KMT2C: variants seen among roughly 807,000 people sequenced by gnomAD.
The protein encoded by KMT2C is histone-lysine N-methyltransferase 2C.
KMT2C carries 88 observed loss-of-function variants against 507.9 expected under a neutral mutation model. That is an observed-to-expected ratio of 0.17 (90% CI 0.15 to 0.21). The LOEUF is 0.21. Among genes scored for constraint, KMT2C ranks in the 10% least tolerant of loss-of-function variants. The probability of loss-of-function intolerance (pLI) is 1.00; values close to 1 mark genes in which losing one functional copy is unlikely to be tolerated. For missense variants in KMT2C, 4,954 were observed against 5,957.8 expected, an observed-to-expected ratio of 0.83 and a Z score of 5.55; for synonymous variants, 2,049 against 2,080.8, an observed-to-expected ratio of 0.98 and a Z score of 0.42.
At chr7:152,424,787 G>A (rs1191840039) in intron 1 of KMT2C, among the ~76,000 whole-genome samples, 1 of 152,118 alleles carries the variant, frequency 6.6e-6, no homozygotes, top group Non-Finnish European at 1.5e-5. Flanking sequence ...ACTAAGGGCT[G>A]AAGGCAGCTA....
At chr7:152,375,584 C>T (rs933829114) in intron 1 of KMT2C, among the ~76,000 whole-genome samples, 7 of 151,818 alleles carry the variant, frequency 4.6e-5, no homozygotes, top group Admixed American at 2.0e-4. Context: ...CAGGGTTTCA[C>T]CATGCTGGCC....
chr7:152,359,983 A>T (rs2097182520), intron 1 of KMT2C, among the ~76,000 whole-genome samples: 1 of 133,968 alleles, frequency 7.5e-6, no homozygotes, highest in African/African-American at 2.8e-5. Flanking sequence ...TGACAGATGG[A>T]GGTTGCAGTG....
intron 1 of KMT2C, among the ~76,000 whole-genome samples, chr7:152,365,249 G>C (rs1438008801): frequency 6.6e-6 from 1 of 152,190 alleles, no homozygotes; most frequent in Non-Finnish European, 1.5e-5. Flanking sequence ...AGTGGCTCAC[G>C]CCTATAATCC....
intron 18 of KMT2C, among the ~76,000 whole-genome samples, chr7:152,229,049 A>C (rs1244810430): frequency 6.6e-6 from 1 of 152,228 alleles, no homozygotes; most frequent in African/African-American, 2.4e-5. Flanking sequence ...TGCTTACTAT[A>C]CTGACATTTT....
chr7:152,201,295 C>CAG (rs967637971), intron 26 of KMT2C, among the ~76,000 whole-genome samples: 11 of 89,946 alleles, frequency 1.2e-4, no homozygotes, highest in African/African-American at 7.6e-4. Flanking sequence ...CAGACACAGA[C>CAG]ACACACACAC....
intron 3 of KMT2C, among the ~76,000 whole-genome samples, chr7:152,326,750 A>G (rs1200308953): frequency 6.6e-6 from 1 of 152,068 alleles, no homozygotes; most frequent in East Asian, 1.9e-4. Context: ...GTGTGGTGGC[A>G]GGCGCCTGTG....
At chr7:152,261,005 A>G (rs1455233687) in intron 9 of KMT2C, among the ~76,000 whole-genome samples, 1 of 152,164 alleles carries the variant, frequency 6.6e-6, no homozygotes, top group Non-Finnish European at 1.5e-5. Flanking sequence ...AGAAGAGAAA[A>G]GTAGAAAGGA....
chr7:152,259,511 G>C lies in KMT2C; in HGVS notation c.1299+3505C>G, dbSNP rs919980902. 2.7e-5 allele frequency among the ~76,000 whole-genome samples: 4 copies of C among 149,538 alleles called. No individual in the cohort carries two copies. In the East Asian group the frequency reaches 5.9e-4, roughly 22 times the overall value. On this transcript the variant is annotated intron_variant, in intron 9 of 58. Transcript: ENST00000262189. ...ACACAGAGAAAGCAAGAGAGGGCAT[G>C]CCCAGTGACAATGAAATGCTAACAA...
chr7:152,405,326 C>A (rs2097602992), intron 1 of KMT2C, among the ~76,000 whole-genome samples: 6 of 151,826 alleles, frequency 4.0e-5, no homozygotes, highest in African/African-American at 1.5e-4. Flanking sequence ...CTCACTGCAA[C>A]CTCCACCTTC....
chr7:152,364,523 G>A (rs2097221721), intron 1 of KMT2C, among the ~76,000 whole-genome samples: 1 of 151,354 alleles, frequency 6.6e-6, no homozygotes, highest in Non-Finnish European at 1.5e-5. Context: ...GCAGGAGAAT[G>A]GTGTGAACCC....
rs1588626891 is a variant in KMT2C at position 152,255,109 on chromosome 7, T to TATATATA, written c.1300-2395_1300-2394insTATATAT. 1.0e-2 allele frequency among the ~76,000 whole-genome samples: 780 copies of TATATATA among 78,308 alleles called. 39 individuals carry two copies. The highest frequency in any genetic ancestry group is 0.016 in the African/African-American group (369 of 23,532). The allele number at this position is 78,308 out of a possible 152,430, so 51.4% of individuals were successfully genotyped here. ...AATCAAGATGTCAATCAACTCTCAC[T>TATATATA]TATATATATATATATATATATATAT... On this transcript the variant is annotated intron_variant, in intron 9 of 58. Transcript: ENST00000262189.
At position 152,136,698 on chromosome 7, in the gene KMT2C, G is replaced by C. The variant is rs2089904505; in HGVS notation, c.*134C>G. ...TTAACCTAAAGGACTGAGGAAATCAGAACTCCCAGAAGCTTTTTCAAAAAG... is the reference window on the plus strand; with the variant it reads ...TTAACCTAAAGGACTGAGGAAATCACAACTCCCAGAAGCTTTTTCAAAAAG... On this transcript the variant is annotated 3_prime_UTR_variant, in exon 59 of 59. Coordinates refer to ENST00000262189, the MANE Select transcript of KMT2C (RefSeq NM_170606.3). The C allele has an allele frequency of 1.5e-6, 1 of 663,534 alleles. No individual in the cohort carries two copies. Among genetic ancestry groups the C allele is most frequent in the South Asian group, 1.8e-5 (1 of 55,524 alleles). 41.1% of individuals were successfully genotyped at this position (663,534 alleles called of 1,614,324 possible).
intron 1 of KMT2C, among the ~76,000 whole-genome samples, chr7:152,399,807 G>T (rs2097560675): frequency 6.6e-6 from 1 of 151,904 alleles, no homozygotes; most frequent in Admixed American, 6.6e-5. Context: ...AATGAGAAAA[G>T]ATATTGGCGG....
At chr7:152,232,536 A>G (rs1253752306) in intron 16 of KMT2C, among the ~76,000 whole-genome samples, 2 of 152,232 alleles carry the variant, frequency 1.3e-5, no homozygotes, top group East Asian at 1.9e-4. Flanking sequence ...CAGTTCAGAA[A>G]TAATATTGGC....
intron 1 of KMT2C, among the ~76,000 whole-genome samples, chr7:152,369,452 A>G (rs1025565811): frequency 4.6e-5 from 7 of 152,224 alleles, no homozygotes; most frequent in African/African-American, 1.7e-4. Flanking sequence ...ACAAGATTCC[A>G]GCAAAACTAA....
intron 1 of KMT2C, among the ~76,000 whole-genome samples, chr7:152,369,032 A>T (rs1055978): frequency 0.037 from 5,688 of 152,048 alleles, 374 homozygotes; most frequent in African/African-American, 0.13. Context: ...AAAAAAAAAA[A>T]TAGTTAAGGG....
chr7:152,332,787 G>T (rs1187513925), intron 2 of KMT2C, among the ~76,000 whole-genome samples: 1 of 151,250 alleles, frequency 6.6e-6, no homozygotes, highest in Non-Finnish European at 1.5e-5. Context: ...GATGGAAGTT[G>T]CAGTGAGCCG....
At chr7:152,290,604 G>A (rs74786147) in intron 6 of KMT2C, among the ~76,000 whole-genome samples, 29 of 150,730 alleles carry the variant, frequency 1.9e-4, no homozygotes, top group South Asian at 1.7e-3. Context: ...CACTGCGCCC[G>A]GCCCATAAAT....
Position 152,181,656 on chromosome 7 carries a change from A to G in KMT2C, c.6204T>C (p.Ser2068=). 6.2e-7 allele frequency: 1 copy of G among 1,614,138 alleles called. No homozygotes were observed. The highest frequency in any genetic ancestry group is 8.5e-7 in the Non-Finnish European group (1 of 1,180,012). ...AAGCAGGCCTTTCATAAGGGTCAACAGACAATCGCCTTGATGCCTGTGACA... is the reference window on the plus strand; with the variant it reads ...AAGCAGGCCTTTCATAAGGGTCAACGGACAATCGCCTTGATGCCTGTGACA... ...GSVSQASRRL[S]VDPYERPALT... The change falls in exon 36 of 59, where the codon TCT becomes TCC. Residue 2068 remains serine (S), a synonymous_variant. Transcript: ENST00000262189.
Sources: gnomAD v4.1 joint callset for allele counts (sites outside exome capture counted in the v4.1 genomes callset) on GRCh38, gnomAD v4.1.1 for gene constraint, MANE v1.5 for transcripts, NCBI Gene and HGNC (gene_info 2026-07-23, HGNC 2026-07-21) for gene names.